The following ADGRV1 variants were observed in gnomAD, a reference collection of about 807,000 sequenced individuals.
The protein encoded by ADGRV1 is G-protein coupled receptor 98.
In ADGRV1, 359 loss-of-function variants were observed where a neutral mutation model predicts 596.2. The ratio of observed to expected loss-of-function variants is 0.60; its 90% CI spans 0.55 to 0.66. ADGRV1 has a LOEUF of 0.66. Ranked by LOEUF, ADGRV1 falls within the 30% of genes least tolerant of loss-of-function variation. The probability of loss-of-function intolerance (pLI) is 0.00; values close to 1 mark genes in which losing one functional copy is unlikely to be tolerated. For missense variants in ADGRV1, 7,274 were observed against 7,575.6 expected, an observed-to-expected ratio of 0.96 and a Z score of 1.48; for synonymous variants, 2,681 against 2,679.2, an observed-to-expected ratio of 1.00 and a Z score of -0.02.
intron 75 of ADGRV1, among the ~76,000 whole-genome samples, chr5:90,817,241 C>T (rs1205829689): frequency 6.6e-6 from 1 of 150,488 alleles, no homozygotes; most frequent in Non-Finnish European, 1.5e-5. Context: ...TGTCCTTCAC[C>T]CACTTTTTGA....
intron 37 of ADGRV1, 107 bp downstream of exon 37, chr5:90,705,686 T>G (rs1748496656): frequency 3.7e-6 from 3 of 818,368 alleles, no homozygotes; most frequent in South Asian, 1.8e-5. Context: ...AGGAGAAAAT[T>G]AATATTTCTT....
At chr5:90,681,516 C>A in intron 27 of ADGRV1, 62 bp downstream of exon 27, 2 of 1,479,576 alleles carry the variant, frequency 1.4e-6, no homozygotes, top group Non-Finnish European at 1.8e-6. Flanking sequence ...CTGTACTGTG[C>A]TATGAAAGTG....
At chr5:90,730,218 C>G (rs902487243) in intron 50 of ADGRV1, among the ~76,000 whole-genome samples, 4 of 152,028 alleles carry the variant, frequency 2.6e-5, no homozygotes, top group African/African-American at 9.7e-5. Flanking sequence ...TTCCAGAAAT[C>G]CTATAATTTT....
At chr5:91,036,045 T>C (rs1180356587) in intron 85 of ADGRV1, among the ~76,000 whole-genome samples, 1 of 151,454 alleles carries the variant, frequency 6.6e-6, no homozygotes, top group East Asian at 1.9e-4. Context: ...AAAAATATAC[T>C]TAATGAAGAA....
chr5:90,920,579 T>G (rs894222849), intron 83 of ADGRV1, among the ~76,000 whole-genome samples: 1 of 152,222 alleles, frequency 6.6e-6, no homozygotes, highest in African/African-American at 2.4e-5. Context: ...ATTTTATAGC[T>G]GATTCCTATA....
At position 90,995,225 on chromosome 5, in the gene ADGRV1, C is replaced by A. The variant is rs143793559; in HGVS notation, c.18152+9703C>A. The stretch of plus-strand genomic sequence containing the variant: ...GCTTTTAGTTGTTTTTAACAAGTAA[C>A]TTCCTGTCTCCTTACCCTATACCCA... On this transcript the variant is annotated intron_variant, in intron 85 of 89. Transcript: ENST00000405460. 2.0e-5 allele frequency among the ~76,000 whole-genome samples: 3 copies of A among 152,330 alleles called. No individual in the cohort carries two copies. The East Asian group carries it at 5.8e-4, about 29-fold the overall frequency.
intron 85 of ADGRV1, among the ~76,000 whole-genome samples, chr5:90,999,936 A>G (rs1781724127): frequency 1.3e-5 from 2 of 152,150 alleles, no homozygotes; most frequent in Non-Finnish European, 2.9e-5. Context: ...TGAGGTTTGT[A>G]TTATTTACTT....
At chr5:91,078,857 A>G (rs1194674618) in intron 86 of ADGRV1, among the ~76,000 whole-genome samples, 1 of 152,210 alleles carries the variant, frequency 6.6e-6, no homozygotes, top group Non-Finnish European at 1.5e-5. Flanking sequence ...ATTTTAAGTC[A>G]CTAAGTTTGG....
At chr5:90,965,832 G>A (rs1778408626) in intron 84 of ADGRV1, among the ~76,000 whole-genome samples, 1 of 152,178 alleles carries the variant, frequency 6.6e-6, no homozygotes, top group Non-Finnish European at 1.5e-5. Flanking sequence ...TCTAGGAAAA[G>A]TAATAGAATG....
intron 85 of ADGRV1, among the ~76,000 whole-genome samples, chr5:90,990,537 A>G (rs1329822582): frequency 6.6e-6 from 1 of 152,192 alleles, no homozygotes; most frequent in South Asian, 2.1e-4. Context: ...CTGATCTGAC[A>G]GGAGGCAGAC....
intron 62 of ADGRV1, 142 bp from the exon 63 acceptor site, chr5:90,778,285 G>T: frequency 2.6e-6 from 2 of 775,130 alleles, no homozygotes; most frequent in Non-Finnish European, 2.1e-6. Context: ...ATTTGGTATT[G>T]TGGAGGTGCC....
chr5:90,668,460 T>C (rs112566319), intron 21 of ADGRV1, among the ~76,000 whole-genome samples: 1 of 152,188 alleles, frequency 6.6e-6, no homozygotes, highest in Non-Finnish European at 1.5e-5. Context: ...TGCCTCACCC[T>C]GCTTCGGCTC....
chr5:90,994,600 C>A (rs928851435), intron 85 of ADGRV1, among the ~76,000 whole-genome samples: 2 of 152,088 alleles, frequency 1.3e-5, no homozygotes, highest in Admixed American at 6.5e-5. Flanking sequence ...GTGTATACAT[C>A]ATATCTTCTT....
chr5:90,873,726 T>C (rs953162936), intron 83 of ADGRV1, among the ~76,000 whole-genome samples: 1 of 151,746 alleles, frequency 6.6e-6, no homozygotes, highest in Non-Finnish European at 1.5e-5. Flanking sequence ...GCCCAGGAGT[T>C]GGAGGCTGCA....
At chr5:90,701,800 A>T (rs1747943376) in intron 34 of ADGRV1, among the ~76,000 whole-genome samples, 1 of 151,836 alleles carries the variant, frequency 6.6e-6, no homozygotes, top group Non-Finnish European at 1.5e-5. Flanking sequence ...CTTTTACCTA[A>T]AAATGATGTA....
At chr5:90,920,409 C>T (rs968851223) in intron 83 of ADGRV1, among the ~76,000 whole-genome samples, 6 of 152,132 alleles carry the variant, frequency 3.9e-5, no homozygotes, top group Non-Finnish European at 5.9e-5. Flanking sequence ...ATAACAAATA[C>T]TCTTTTGAAA....
At chr5:91,086,007 A>G (rs75114271) in intron 86 of ADGRV1, among the ~76,000 whole-genome samples, 3,509 of 152,168 alleles carry the variant, frequency 0.023, 128 homozygotes, top group African/African-American at 0.079. Flanking sequence ...TCTCATCTGC[A>G]TATCCTTCAA....
chr5:90,576,541 T>C (rs199586530), intron 1 of ADGRV1, among the ~76,000 whole-genome samples: 2 of 152,162 alleles, frequency 1.3e-5, no homozygotes, highest in Admixed American at 1.3e-4. Flanking sequence ...GGTTCCAAGT[T>C]TTTGCTATTG....
intron 85 of ADGRV1, among the ~76,000 whole-genome samples, chr5:90,989,082 A>G (rs1323770037): frequency 1.3e-5 from 2 of 151,982 alleles, no homozygotes; most frequent in East Asian, 1.9e-4. Flanking sequence ...GCTATTGTGA[A>G]TAGTGCCACA....
Sources: gnomAD v4.1 joint callset for allele counts (sites outside exome capture counted in the v4.1 genomes callset) on GRCh38, gnomAD v4.1.1 for gene constraint, MANE v1.5 for transcripts, NCBI Gene and HGNC (gene_info 2026-07-23, HGNC 2026-07-21) for gene names.